Variants in BCAR1 observed in about 807,000 individuals in gnomAD.
BCAR1 encodes the protein breast cancer anti-estrogen resistance protein 1.
In BCAR1, 30 loss-of-function variants were observed where a neutral mutation model predicts 67.6. The ratio of observed to expected loss-of-function variants is 0.44; its 90% CI spans 0.33 to 0.60. The LOEUF (loss-of-function observed/expected upper bound fraction) is 0.60, where lower values mean the gene tolerates loss of function less well. Ranked by LOEUF, BCAR1 falls within the 20% of genes least tolerant of loss-of-function variation. BCAR1 has a pLI of 0.02. For synonymous variants in BCAR1, 626 were observed against 556.7 expected (o/e 1.12, Z -1.75); for missense variants, 1,313 against 1,222.3 (o/e 1.07, Z -1.11).
At chr16:75,252,241 C>T (rs886515727), upstream of BCAR1, 27 of 1,536,576 alleles carry the variant, frequency 1.8e-5, no homozygotes, top group Admixed American at 5.1e-4. Context: ...CTACCTTCCC[C>T]TGCATTGTGC....
intron 6 of BCAR1, among the ~76,000 whole-genome samples, chr16:75,230,764 A>T (rs938284812): frequency 6.6e-6 from 1 of 152,156 alleles, no homozygotes; most frequent in Admixed American, 6.5e-5. Context: ...AGCAAAACCA[A>T]TAGGAAACCT....
At chr16:75,230,628 G>C (rs529665777) in intron 6 of BCAR1, among the ~76,000 whole-genome samples, 1 of 152,260 alleles carries the variant, frequency 6.6e-6, no homozygotes, top group South Asian at 2.1e-4. Context: ...CCGTGCCTAG[G>C]AGTCAGCTGA....
Position 75,242,465 on chromosome 16 carries a change from C to T in BCAR1, c.633+5G>A. The stretch of plus-strand genomic sequence containing the variant: ...GGCTGCACAACTGTGCCAGGACAGC[C>T]TTACCTTTGCCGGGGGCTTCGTGCC... On this transcript the variant is annotated splice_donor_5th_base_variant and intron_variant, in intron 2 of 6. Transcript: ENST00000162330. The T allele has an allele frequency of 6.9e-7, 1 of 1,453,082 alleles. No homozygotes were observed. The allele number at this position is 1,453,082 out of a possible 1,614,324, so 90.0% of individuals were successfully genotyped here. A position where few individuals can be genotyped will look rare whatever the true frequency, so the allele number is the denominator to read the frequency against.
chr16:75,230,090 T>G, intron 6 of BCAR1, 67 bp from the exon 7 acceptor site: 1 of 1,500,762 alleles, frequency 6.7e-7, no homozygotes, highest in East Asian at 2.3e-5. Flanking sequence ...GGCCGAGACC[T>G]GGGCACCCTG....
intron 1 of BCAR1, chr16:75,245,961 G>GTTTTTTTTTT (rs1405738465): frequency 1.1e-4 from 3 of 27,004 alleles, no homozygotes; most frequent in Admixed American, 5.7e-4. Context: ...TCATAGGATT[G>GTTTTTTTTTT]TTCTTTTTTT....
At chr16:75,242,046 G>A (rs1441443044) in intron 2 of BCAR1, among the ~76,000 whole-genome samples, 3 of 152,210 alleles carry the variant, frequency 2.0e-5, no homozygotes, top group African/African-American at 7.2e-5. Context: ...AGGCAGGGGC[G>A]GCCAGAAGAT....
chr16:75,265,963 T>C (rs1185212043), intron 1 of BCAR1: 1 of 1,065,764 alleles, frequency 9.4e-7, no homozygotes, highest in Non-Finnish European at 1.1e-6. Context: ...CTCCTGAGCG[T>C]TCCCGGACGC....
At chr16:75,264,699 T>C in intron 1 of BCAR1, 1 of 1,221,168 alleles carries the variant, frequency 8.2e-7, no homozygotes, top group Non-Finnish European at 1.0e-6. Context: ...TCTGGTCATC[T>C]GCACTCACTC....
chr16:75,265,982 C>G lies in BCAR1; in HGVS notation c.66+1933G>C, dbSNP rs147592389. On this transcript the variant is annotated intron_variant, in intron 1 of 6. Transcript: ENST00000393422. ...TGAGCGTTCCCGGACGCCGGACTGTCCGGCCGCTCCAGCCGCGCCGCGCAT... is the reference window on the plus strand; with the variant it reads ...TGAGCGTTCCCGGACGCCGGACTGTGCGGCCGCTCCAGCCGCGCCGCGCAT... 5,319 of 1,052,180 alleles carry G rather than the reference C, an allele frequency of 5.1e-3. 204 individuals carry two copies. In the African/African-American group the frequency reaches 0.082, roughly 16 times the overall value. The allele number at this position is 1,052,180 out of a possible 1,614,324, so 65.2% of individuals were successfully genotyped here.
chr16:75,242,807 T>C lies in BCAR1; in HGVS notation c.296A>G (p.Tyr99Cys), dbSNP rs779582402. 6.2e-7 allele frequency: 1 copy of C among 1,604,010 alleles called. No homozygotes were observed. The highest frequency in any genetic ancestry group is 8.5e-7 in the Non-Finnish European group (1 of 1,175,778). ...LHAPAPPASQ[Y>C]TPMLPNTYQP... is the part of the protein sequence containing the mutation. The stretch of plus-strand genomic sequence containing the variant: ...GTAGGTGTTGGGGAGCATGGGCGTG[T>C]ACTGGGAGGCCGGAGGCGCTGGGGC... The change falls in exon 2 of 7, where the codon TAC (tyrosine) becomes TGC (cysteine). Residue 99 changes from tyrosine to cysteine, a missense_variant. Transcript: ENST00000162330.
In BCAR1 at chr16:75,235,145, G is replaced by T; in HGVS notation, c.1754C>A (p.Ala585Asp). ...DLDRLVACSR[A>D]VPEDAKQLAS... ...CAGCTGCTTGGCGTCCTCGGGCACA[G>T]CCCGCGAGCAGGCCACCAGCCGGTC... is the stretch of plus-strand genomic sequence containing the variant. The change falls in exon 5 of 7, where the codon GCT becomes GAT. Residue 585 changes from alanine (A) to aspartate (D), a missense_variant. Physicochemically the swap from Ala to Asp is moderately radical, Grantham distance 126. Around this residue, in one of 2 missense-constraint regions of BCAR1, gnomAD observed 1,272 missense variants for 1,137.5 expected, o/e 1.12. Coordinates refer to ENST00000162330, the MANE Select transcript of BCAR1 (RefSeq NM_014567.5). 1.9e-6 allele frequency: 3 copies of T among 1,608,994 alleles called. No homozygotes were observed. Among genetic ancestry groups the T allele is most frequent in the Non-Finnish European group, 1.7e-6 (2 of 1,179,926 alleles).
At position 75,239,689 on chromosome 16, in the gene BCAR1, C is replaced by A. The variant is rs141759183; in HGVS notation, c.634-2345G>T. On this transcript the variant is annotated intron_variant, in intron 2 of 6. Transcript: ENST00000162330. Reference sequence around the variant, plus strand: ...ATGGAGCACCACAGGAGCGCTGCGACCACGGCCACCAGGACACACCCCAGC... The same window carrying A: ...ATGGAGCACCACAGGAGCGCTGCGAACACGGCCACCAGGACACACCCCAGC... Among the ~76,000 whole-genome samples, 1,046 of 152,300 alleles carry A rather than the reference C, an allele frequency of 6.9e-3. 10 individuals carry two copies. The highest frequency in any genetic ancestry group is 0.024 in the African/African-American group (1,002 of 41,572).
chr16:75,235,620 G>A lies in BCAR1; in HGVS notation c.1279C>T (p.Leu427=). The change falls in exon 5 of 7, where the codon CTG becomes TTG. Residue 427 remains leucine, a synonymous_variant. Transcript: ENST00000162330. ...GTGCTGCCGGTGCTGGAGGCCGACA[G>A]GCGCTTGCCCTCTGCCGGGGCTTCA... is the stretch of plus-strand genomic sequence containing the variant. ...EREAPAEGKR[L]SASSTGSTRS... is the part of the protein sequence containing the mutation. 6.2e-7 allele frequency: 1 copy of A among 1,602,174 alleles called. No individual in the cohort carries two copies. Among genetic ancestry groups the A allele is most frequent in the Non-Finnish European group, 8.5e-7 (1 of 1,173,322 alleles).
rs766697085 is a variant in BCAR1, at chr16:75,229,540, G to A, written c.2584C>T (p.Arg862Cys). The change falls in exon 7 of 7, where the codon CGC becomes TGC. Residue 862 changes from arginine to cysteine, a missense_variant. Around this residue, in one of 2 missense-constraint regions of BCAR1, gnomAD observed 1,272 missense variants for 1,137.5 expected, o/e 1.12. Transcript: ENST00000162330. ...GCGGCTGCCAGCTGGCCTAGGACGC[G>A]GCGGAACTGCTGGGTGCTGTGGCCC... Reference protein sequence around the residue: ...ELGHSTQQFRRVLGQLAAA With the variant: ...ELGHSTQQFRCVLGQLAAA 16 of 1,597,220 alleles carry A rather than the reference G, an allele frequency of 1.0e-5. No homozygotes were observed. The highest frequency in any genetic ancestry group is 4.5e-5 in the East Asian group (2 of 44,474).
At chr16:75,251,726 G>A, upstream of BCAR1, 1 of 979,744 alleles carries the variant, frequency 1.0e-6, no homozygotes, top group Non-Finnish European at 1.2e-6. Context: ...ATGCAAATAA[G>A]CCGCCTGTCG....
At chr16:75,264,314 A>C in intron 1 of BCAR1, 1 of 1,447,546 alleles carries the variant, frequency 6.9e-7, no homozygotes, top group Non-Finnish European at 9.1e-7. Flanking sequence ...GGATGTGGCC[A>C]GAGTGACATT....
At chr16:75,234,724 T>C (rs892463884) in intron 5 of BCAR1, among the ~76,000 whole-genome samples, 165 bp downstream of exon 5, 8 of 152,166 alleles carry the variant, frequency 5.3e-5, no homozygotes, top group African/African-American at 1.9e-4. Context: ...CTCGATGACA[T>C]GGCCACCCTA....
In BCAR1 at chr16:75,229,481, T is replaced by A; in HGVS notation, c.*30A>T. The A allele has an allele frequency of 6.7e-7, 1 of 1,501,724 alleles. No homozygotes were observed. The highest frequency in any genetic ancestry group is 8.9e-7 in the Non-Finnish European group (1 of 1,125,122). 93.0% of individuals were successfully genotyped at this position (1,501,724 alleles called of 1,614,324 possible). A position where few individuals can be genotyped will look rare whatever the true frequency, so the allele number is the denominator to read the frequency against. ...CAGGGAGCTGGGACCGCCGCACCCC[T>A]CCCCTGCCTCCCTCCTGGGGTCACC... On this transcript the variant is annotated 3_prime_UTR_variant, in exon 7 of 7. Transcript: ENST00000162330.
chr16:75,231,529 T>A (rs1567582316), intron 6 of BCAR1, among the ~76,000 whole-genome samples: 1 of 152,274 alleles, frequency 6.6e-6, no homozygotes, highest in South Asian at 2.1e-4. Context: ...GGGCAACAGA[T>A]GTTCTCATCA....
Sources: gnomAD v4.1 joint callset for allele counts (sites outside exome capture counted in the v4.1 genomes callset) on GRCh38, gnomAD v4.1.1 for gene constraint, gnomAD v4.1.1 regional missense constraint, MANE v1.5 for transcripts, NCBI Gene and HGNC (gene_info 2026-07-23, HGNC 2026-07-21) for gene names.